FAM163A: variants seen among roughly 807,000 people sequenced by gnomAD.
FAM163A encodes protein FAM163A.
A neutral mutation model predicts 12.0 loss-of-function variants in FAM163A; 7 were observed. The ratio of observed to expected loss-of-function variants is 0.58; its 90% CI spans 0.33 to 1.10. The LOEUF (loss-of-function observed/expected upper bound fraction) is 1.10. FAM163A is among the 50% of genes least tolerant of loss of function. The pLI, the probability that FAM163A is intolerant of heterozygous loss-of-function variation, is 0.03. For missense variants in FAM163A, 202 were observed against 218.6 expected, an observed-to-expected ratio of 0.92 and a Z score of 0.48; for synonymous variants, 101 against 91.0, an observed-to-expected ratio of 1.11 and a Z score of -0.62.
chr1:179,788,680 A>C (rs1196431920), intron 1 of FAM163A, among the ~76,000 whole-genome samples: 1 of 152,190 alleles, frequency 6.6e-6, no homozygotes, highest in Non-Finnish European at 1.5e-5. Flanking sequence ...ATCTTGCAAC[A>C]TTGAATGATG....
At chr1:179,737,752 A>G in the FAM163A span, among the ~76,000 whole-genome samples, 1 of 151,870 alleles carries the variant, frequency 6.6e-6, no homozygotes, top group African/African-American at 2.4e-5. Flanking sequence ...GGAGAATGGC[A>G]TGAACCTGGG....
At chr1:179,756,355 CTTA>C (rs771920281) in intron 1 of FAM163A, among the ~76,000 whole-genome samples, 3 of 152,170 alleles carry the variant, frequency 2.0e-5, no homozygotes, top group Non-Finnish European at 4.4e-5. Flanking sequence ...TCTAGAAACA[CTTA>C]AGAGAGAAAA....
At chr1:179,760,844 A>C (rs1473085277) in intron 1 of FAM163A, among the ~76,000 whole-genome samples, 1 of 152,218 alleles carries the variant, frequency 6.6e-6, no homozygotes, top group Non-Finnish European at 1.5e-5. Context: ...TGTATGTCCC[A>C]CAAGGACCCC....
At chr1:179,735,808 A>G in the FAM163A span, among the ~76,000 whole-genome samples, 1 of 151,954 alleles carries the variant, frequency 6.6e-6, no homozygotes, top group Non-Finnish European at 1.5e-5. Flanking sequence ...CAGCCGAAAG[A>G]GCTACATTCT....
chr1:179,810,005 G>A (rs939227058), intron 2 of FAM163A, among the ~76,000 whole-genome samples: 2 of 152,172 alleles, frequency 1.3e-5, no homozygotes, highest in Non-Finnish European at 2.9e-5. Flanking sequence ...ACAGCTTGCT[G>A]CCCCCTGGTG....
chr1:179,768,043 T>TC (rs1687746465), intron 1 of FAM163A, among the ~76,000 whole-genome samples: 1 of 152,042 alleles, frequency 6.6e-6, no homozygotes, highest in Non-Finnish European at 1.5e-5. Flanking sequence ...ATTTTCTACT[T>TC]TGTTTGTATG....
intron 1 of FAM163A, among the ~76,000 whole-genome samples, chr1:179,798,825 T>C (rs866123186): frequency 6.6e-6 from 1 of 152,226 alleles, no homozygotes; most frequent in Non-Finnish European, 1.5e-5. Flanking sequence ...TATATCCTTC[T>C]GTGAGATTCA....
At chr1:179,735,890 T>C in the FAM163A span, among the ~76,000 whole-genome samples, 1 of 152,206 alleles carries the variant, frequency 6.6e-6, no homozygotes, top group Non-Finnish European at 1.5e-5. Context: ...CGCTGTCAAC[T>C]GATCTTTAGC....
At chr1:179,782,924 C>G (rs1689995909) in intron 1 of FAM163A, among the ~76,000 whole-genome samples, 1 of 152,150 alleles carries the variant, frequency 6.6e-6, no homozygotes, top group Non-Finnish European at 1.5e-5. Flanking sequence ...TTTCCAGCAA[C>G]TTGTATCCCA....
chr1:179,777,426 A>G (rs1689129305), intron 1 of FAM163A, among the ~76,000 whole-genome samples: 1 of 152,164 alleles, frequency 6.6e-6, no homozygotes, highest in South Asian at 2.1e-4. Flanking sequence ...GCTGTGGGTG[A>G]GTTAGACAAG....
At chr1:179,734,577 C>T in the FAM163A span, among the ~76,000 whole-genome samples, 2 of 152,164 alleles carry the variant, frequency 1.3e-5, no homozygotes, top group Non-Finnish European at 2.9e-5. Context: ...TGGATGATTC[C>T]TTCTTGCTGT....
At chr1:179,756,127 A>G (rs1238564238) in intron 1 of FAM163A, among the ~76,000 whole-genome samples, 2 of 152,218 alleles carry the variant, frequency 1.3e-5, no homozygotes, top group Non-Finnish European at 2.9e-5. Flanking sequence ...CATGCCATCA[A>G]AGATCTCAAA....
chr1:179,765,804 C>T (rs949651757), intron 1 of FAM163A, among the ~76,000 whole-genome samples: 39 of 151,618 alleles, frequency 2.6e-4, no homozygotes, highest in Non-Finnish European at 1.3e-4. Flanking sequence ...GGGTGTAGTG[C>T]CCCCCAGTGC....
intron 1 of FAM163A, among the ~76,000 whole-genome samples, chr1:179,763,951 G>A (rs951055417): frequency 7.2e-5 from 11 of 152,140 alleles, no homozygotes; most frequent in Non-Finnish European, 1.3e-4. Context: ...CATCCAACTC[G>A]GATGGGGAAC....
chr1:179,740,399 G>A (rs1683494823), upstream of FAM163A, among the ~76,000 whole-genome samples: 1 of 151,988 alleles, frequency 6.6e-6, no homozygotes, highest in African/African-American at 2.4e-5. Flanking sequence ...TAGCCAGTCT[G>A]GAACTACTGG....
chr1:179,763,677 AG>A (rs1687105736), intron 1 of FAM163A, among the ~76,000 whole-genome samples: 1 of 152,224 alleles, frequency 6.6e-6, no homozygotes, highest in South Asian at 2.1e-4. Flanking sequence ...GAGACTTTGG[AG>A]GACTATAAGC....
At chr1:179,729,430 C>T in the FAM163A span, among the ~76,000 whole-genome samples, 2 of 152,280 alleles carry the variant, frequency 1.3e-5, no homozygotes, top group South Asian at 4.1e-4. Context: ...TCAGGTGAAA[C>T]AGTTCAATAA....
At chr1:179,748,335 G>A (rs144506661) in intron 1 of FAM163A, among the ~76,000 whole-genome samples, 6 of 152,322 alleles carry the variant, frequency 3.9e-5, no homozygotes, top group African/African-American at 1.2e-4. Context: ...AAGAAGCTGG[G>A]TTGGGCTCTC....
intron 1 of FAM163A, among the ~76,000 whole-genome samples, chr1:179,774,750 C>T (rs891226023): frequency 2.0e-5 from 3 of 152,192 alleles, no homozygotes; most frequent in Non-Finnish European, 4.4e-5. Flanking sequence ...ACGGCCAGGA[C>T]AGCCTGTTTC....
Sources: allele counts gnomAD v4.1 joint callset (sites outside exome capture counted in the v4.1 genomes callset), GRCh38; gene constraint gnomAD v4.1.1; transcripts MANE v1.5; gene names NCBI Gene and HGNC (gene_info 2026-07-23, HGNC 2026-07-21).